MCF2: variants seen among roughly 807,000 people sequenced by gnomAD.
MCF2 encodes the protein proto-oncogene DBL.
MCF2 carries 44 observed loss-of-function variants against 82.5 expected under a neutral mutation model. The observed-to-expected ratio is 0.53, with a 90% confidence interval of 0.42 to 0.69. The LOEUF (loss-of-function observed/expected upper bound fraction) is 0.69, where lower values mean the gene tolerates loss of function less well. MCF2 is among the 30% of genes least tolerant of loss of function. The pLI is 0.00. For missense variants in MCF2, 623 were observed against 663.1 expected, an observed-to-expected ratio of 0.94 and a Z score of 0.66; for synonymous variants, 217 against 224.9, an observed-to-expected ratio of 0.96 and a Z score of 0.32.
intron 10 of MCF2, among the ~76,000 whole-genome samples, chrX:139,611,369 G>A (rs1931476550): frequency 8.9e-6 from 1 of 111,792 alleles, no homozygotes; most frequent in Non-Finnish European, 1.9e-5. Flanking sequence ...TAAACAGTGG[G>A]AATTATACAA....
chrX:139,641,555 A>G (rs1485725894), intron 1 of MCF2, among the ~76,000 whole-genome samples: 1 of 110,776 alleles, frequency 9.0e-6, no homozygotes, highest in East Asian at 2.8e-4. Context: ...TTTTTTTCCT[A>G]TGGTCAATTT....
Position 139,665,924 on chromosome X carries a change from TATAC to T in MCF2, c.-44-14140_-44-14137del, listed in dbSNP as rs199561137. Among the ~76,000 whole-genome samples the T allele has an allele frequency of 9.3e-3, 716 of 76,900 alleles. 6 individuals are homozygous for T. Among genetic ancestry groups the T allele is most frequent in the African/African-American group, 0.051 (542 of 10,569 alleles). 66.8% of individuals were successfully genotyped at this position (76,900 alleles called of 115,157 possible). On this transcript the variant is annotated intron_variant, in intron 1 of 27. Coordinates refer to the MCF2 transcript ENST00000414978. ...ATATATATATATATATATATATATA[TATAC>T]ACACACACACAAACCATATATATAT...
intron 9 of MCF2, among the ~76,000 whole-genome samples, chrX:139,615,624 G>T (rs1931840469): frequency 1.8e-5 from 2 of 111,691 alleles, no homozygotes; most frequent in South Asian, 3.8e-4. Flanking sequence ...ATTTCCTGGG[G>T]CATCCCCTAG....
chrX:139,692,318 G>T (rs962245154), intron 1 of MCF2, among the ~76,000 whole-genome samples: 15 of 111,546 alleles, frequency 1.3e-4, no homozygotes, highest in Non-Finnish European at 2.7e-4. Context: ...GCTGCGCCGC[G>T]GCCGCCAGTC....
chrX:139,646,533 C>T (rs1933807148), upstream of MCF2, among the ~76,000 whole-genome samples: 1 of 111,463 alleles, frequency 9.0e-6, no homozygotes, highest in Non-Finnish European at 1.9e-5. Flanking sequence ...TCGTTCTCAA[C>T]CTATGTTCTT....
intron 1 of MCF2, among the ~76,000 whole-genome samples, chrX:139,688,635 T>A (rs1935185799): frequency 8.9e-6 from 1 of 112,412 alleles, no homozygotes; most frequent in Admixed American, 9.4e-5. Context: ...ATAGCTTACA[T>A]TCTTTCCTCC....
At chrX:139,670,933 T>C (rs1043252662) in intron 1 of MCF2, among the ~76,000 whole-genome samples, 2 of 111,806 alleles carry the variant, frequency 1.8e-5, no homozygotes, top group African/African-American at 6.5e-5. Flanking sequence ...CCACCAACAG[T>C]GTAAAAGTGT....
chrX:139,634,227 C>G lies in MCF2; in HGVS notation c.52-1773G>C, dbSNP rs186416067. Among the ~76,000 whole-genome samples, 6 of 111,420 alleles carry G rather than the reference C, an allele frequency of 5.4e-5. No homozygotes were observed. The East Asian group carries it at 1.4e-3, about 26-fold the overall frequency. On this transcript the variant is annotated intron_variant, in intron 1 of 24. Transcript: ENST00000370576. ...TAGAGCAAAATATATGAAAAATGTT[C>G]CAACTGCAATTATATTTCAGGCATA...
chrX:139,593,389 A>C (rs181869052), intron 19 of MCF2, among the ~76,000 whole-genome samples: 1 of 111,399 alleles, frequency 9.0e-6, no homozygotes, highest in East Asian at 2.8e-4. Context: ...TTGGGGCAAT[A>C]ATCAATAGCT....
intron 1 of MCF2, among the ~76,000 whole-genome samples, chrX:139,707,070 C>G (rs1378212981): frequency 9.1e-6 from 1 of 110,083 alleles, no homozygotes; most frequent in Non-Finnish European, 1.9e-5. Flanking sequence ...TGCAGCTAGC[C>G]GGCAGAGTAA....
rs754234411 is a variant in MCF2, at chrX:139,676,642, G to A, written c.-44-24854C>T. ...TGTGTCTGTTTCTTTTATTGGTAAAGTGGAAAAAATGGCAGCACCTATTTC... is the reference window on the plus strand; with the variant it reads ...TGTGTCTGTTTCTTTTATTGGTAAAATGGAAAAAATGGCAGCACCTATTTC... On this transcript the variant is annotated intron_variant, in intron 1 of 27. Transcript: ENST00000414978. 1.6e-3 allele frequency among the ~76,000 whole-genome samples: 176 copies of A among 111,832 alleles called. 2 individuals carry two copies. The highest frequency in any genetic ancestry group is 2.8e-3 in the Non-Finnish European group (151 of 53,148).
chrX:139,639,633 TAAC>T (rs899919986), intron 1 of MCF2, among the ~76,000 whole-genome samples: 3 of 111,506 alleles, frequency 2.7e-5, no homozygotes, highest in Non-Finnish European at 5.6e-5. Flanking sequence ...ACAACAACAA[TAAC>T]AACAAGAGCA....
At chrX:139,662,620 T>C (rs1427792630) in intron 1 of MCF2, among the ~76,000 whole-genome samples, 3 of 111,277 alleles carry the variant, frequency 2.7e-5, no homozygotes, top group East Asian at 5.7e-4. Context: ...TTTTGTTACA[T>C]GTATATAATG....
chrX:139,664,463 G>C (rs577647102), intron 1 of MCF2, among the ~76,000 whole-genome samples: 3 of 111,867 alleles, frequency 2.7e-5, no homozygotes, highest in African/African-American at 9.7e-5. Flanking sequence ...TTACTGGTAA[G>C]GTGAAGCCAT....
intron 2 of MCF2, among the ~76,000 whole-genome samples, chrX:139,649,504 A>G (rs1933917840): frequency 8.9e-6 from 1 of 111,926 alleles, no homozygotes; most frequent in African/African-American, 3.2e-5. Flanking sequence ...ACTCTAGTTA[A>G]GGACAGAACC....
chrX:139,608,728 GTCCTA>G (rs764653175), intron 11 of MCF2, among the ~76,000 whole-genome samples: 3 of 111,793 alleles, frequency 2.7e-5, no homozygotes, highest in African/African-American at 9.7e-5. Context: ...GGCAACCACA[GTCCTA>G]GGTGCTTAAC....
chrX:139,705,265 T>C (rs1030129161), intron 1 of MCF2, among the ~76,000 whole-genome samples: 1 of 111,767 alleles, frequency 8.9e-6, no homozygotes, highest in African/African-American at 3.3e-5. Context: ...TGAGCTGAGA[T>C]CACACCATTG....
intron 1 of MCF2, among the ~76,000 whole-genome samples, chrX:139,638,410 A>G (rs1933361244): frequency 9.0e-6 from 1 of 111,421 alleles, no homozygotes; most frequent in African/African-American, 3.3e-5. Flanking sequence ...GGCTTAATTA[A>G]AGAACAGCCT....
chrX:139,592,070 G>A (rs762767778), intron 19 of MCF2, among the ~76,000 whole-genome samples: 12 of 110,910 alleles, frequency 1.1e-4, no homozygotes, highest in Non-Finnish European at 3.8e-5. Flanking sequence ...AGAAGTGAGC[G>A]TAGTGAACCC....
Sources: gnomAD v4.1 joint callset for allele counts (sites outside exome capture counted in the v4.1 genomes callset) on GRCh38, gnomAD v4.1.1 for gene constraint, MANE v1.5 for transcripts, NCBI Gene and HGNC (gene_info 2026-07-23, HGNC 2026-07-21) for gene names.